The following PTPRF variants were observed in gnomAD, a reference collection of about 807,000 sequenced individuals.
The protein encoded by PTPRF is protein tyrosine phosphatase receptor type F.
Under a neutral mutation model 201.8 loss-of-function variants are expected in PTPRF, and 59 were observed. The ratio of observed to expected loss-of-function variants is 0.29; its 90% CI spans 0.24 to 0.36. PTPRF has a LOEUF of 0.36. PTPRF is among the 10% of genes least tolerant of loss of function. PTPRF has a pLI of 1.00. For synonymous variants in PTPRF, 1,088 were observed against 1,089.7 expected (o/e 1.00, Z 0.03); for missense variants, 2,132 against 2,690.5 (o/e 0.79, Z 4.59).
At chr1:43,543,877 A>G (rs1466723147) in intron 2 of PTPRF, among the ~76,000 whole-genome samples, 1 of 152,226 alleles carries the variant, frequency 6.6e-6, no homozygotes, top group Non-Finnish European at 1.5e-5. Flanking sequence ...GGGATCGACC[A>G]CGTCTCACCC....
intron 2 of PTPRF, among the ~76,000 whole-genome samples, chr1:43,540,424 A>C (rs1439553016): frequency 1.3e-5 from 2 of 152,132 alleles, no homozygotes; most frequent in Non-Finnish European, 2.9e-5. Context: ...ATTTTTTTCC[A>C]ATAGACAGAA....
At chr1:43,619,253 G>C (rs1658609484) in intron 27 of PTPRF, 35 bp from the exon 28 acceptor site, 1 of 1,609,384 alleles carries the variant, frequency 6.2e-7, no homozygotes, top group Admixed American at 1.7e-5. Context: ...GGAGGTGGGG[G>C]CGCCTGTGCC....
At chr1:43,599,706 G>C (rs1405597945) in intron 13 of PTPRF, among the ~76,000 whole-genome samples, 1 of 151,570 alleles carries the variant, frequency 6.6e-6, no homozygotes, top group African/African-American at 2.4e-5. Context: ...AACACTGGTT[G>C]CTATTCAGAT....
At chr1:43,587,795 G>A (rs1234118465) in intron 7 of PTPRF, among the ~76,000 whole-genome samples, 1 of 152,168 alleles carries the variant, frequency 6.6e-6, no homozygotes, top group Non-Finnish European at 1.5e-5. Context: ...CCTGCCCACG[G>A]CTGGGTTTCA....
intron 7 of PTPRF, among the ~76,000 whole-genome samples, chr1:43,583,871 G>A (rs1648410282): frequency 6.6e-6 from 1 of 152,178 alleles, no homozygotes; most frequent in African/African-American, 2.4e-5. Context: ...GTTTGAGGGT[G>A]GAATTTAGCC....
intron 3 of PTPRF, among the ~76,000 whole-genome samples, chr1:43,552,374 AT>A (rs1373216182): frequency 1.3e-5 from 2 of 152,232 alleles, no homozygotes; most frequent in South Asian, 4.1e-4. Flanking sequence ...CCTCACTGGC[AT>A]GTGATCTTGG....
intron 19 of PTPRF, among the ~76,000 whole-genome samples, chr1:43,605,881 C>G (rs528511656): frequency 6.6e-6 from 1 of 152,324 alleles, no homozygotes; most frequent in Non-Finnish European, 1.5e-5. Flanking sequence ...TAGAGAATGC[C>G]AAGCCCTGTA....
At chr1:43,570,210 CAG>C (rs1472996959) in intron 6 of PTPRF, among the ~76,000 whole-genome samples, 10 of 152,210 alleles carry the variant, frequency 6.6e-5, no homozygotes, top group Admixed American at 6.5e-5. Context: ...GGCTGGATCT[CAG>C]GGGCCTGGAA....
chr1:43,525,633 C>G (rs574676728), upstream of PTPRF, among the ~76,000 whole-genome samples: 1 of 151,592 alleles, frequency 6.6e-6, no homozygotes, highest in Non-Finnish European at 1.5e-5. Context: ...GGTGAAACCC[C>G]GTCTCTACTA....
intron 5 of PTPRF, among the ~76,000 whole-genome samples, chr1:43,562,566 C>A (rs1645881770): frequency 6.6e-6 from 1 of 151,780 alleles, no homozygotes; most frequent in African/African-American, 2.4e-5. Context: ...ACCACCACGC[C>A]CGGCTAATTT....
At chr1:43,560,657 T>C (rs1645744546) in intron 5 of PTPRF, among the ~76,000 whole-genome samples, 1 of 152,160 alleles carries the variant, frequency 6.6e-6, no homozygotes, top group Non-Finnish European at 1.5e-5. Flanking sequence ...GAGCTGTTGG[T>C]CCGCCAGGAA....
intron 7 of PTPRF, among the ~76,000 whole-genome samples, chr1:43,586,017 T>C (rs1178962602): frequency 6.6e-6 from 1 of 152,200 alleles, no homozygotes; most frequent in African/African-American, 2.4e-5. Flanking sequence ...TTCTGGGTCT[T>C]TTTTCAGGCC....
intron 21 of PTPRF, among the ~76,000 whole-genome samples, chr1:43,608,284 C>T (rs1160613761): frequency 3.3e-5 from 5 of 152,196 alleles, no homozygotes; most frequent in Admixed American, 3.3e-4. Flanking sequence ...AAACTGTGAC[C>T]GTTCCTTTCT....
chr1:43,535,944 T>C (rs1643974462), intron 1 of PTPRF, among the ~76,000 whole-genome samples: 1 of 152,122 alleles, frequency 6.6e-6, no homozygotes, highest in Admixed American at 6.5e-5. Flanking sequence ...CTAATTTTTG[T>C]ATTTTTTTAG....
Position 43,621,003 on chromosome 1 carries a change from C to T in PTPRF, c.5519+11C>T, listed in dbSNP as rs776916161. 3.7e-6 allele frequency: 6 copies of T among 1,611,196 alleles called. No individual in the cohort carries two copies. The East Asian group carries it at 1.3e-4, about 36-fold the overall frequency. The stretch of plus-strand genomic sequence containing the variant: ...CACGGTGCACTGCAGGTGGGACTGG[C>T]CCCCTGGAGGGCTGGGGTGGGTGGG... On this transcript the variant is annotated intron_variant, in intron 32 of 33. Transcript: ENST00000359947.
At chr1:43,548,921 C>G (rs1387034764) in intron 3 of PTPRF, among the ~76,000 whole-genome samples, 1 of 152,220 alleles carries the variant, frequency 6.6e-6, no homozygotes, top group Non-Finnish European at 1.5e-5. Flanking sequence ...CAGTTTGACT[C>G]TCCCTGGGGC....
At position 43,597,842 on chromosome 1, in the gene PTPRF, C is replaced by T. The variant is rs947606064; in HGVS notation, c.1908C>T (p.Asn636=). ...TCCCGCCGCCTGCCGACAGCCGCAA[C>T]GGCGTTATCACCCAGTACTCCGTGG... is the stretch of plus-strand genomic sequence containing the variant. The part of the protein sequence containing the change: ...SWVPPPADSR[N]GVITQYSVAY... Residue 636 remains asparagine, a synonymous_variant, in exon 12 of 34, where the codon AAC becomes AAT. Transcript: ENST00000359947. 32 of 1,608,284 alleles carry T rather than the reference C, an allele frequency of 2.0e-5. No homozygotes were observed. Among genetic ancestry groups the T allele is most frequent in the Admixed American group, 5.1e-5 (3 of 59,354 alleles).
chr1:43,573,977 CTTTTTTTTTTTTTTTTTTTTTT>C (rs77543816), intron 6 of PTPRF, among the ~76,000 whole-genome samples: 21 of 63,918 alleles, frequency 3.3e-4, no homozygotes, highest in South Asian at 1.8e-3. Flanking sequence ...TGTGTGGGTT[CTTTTTTTTTTTTTTTTTTTTTT>C]TTTTTTTTTT....
intron 3 of PTPRF, among the ~76,000 whole-genome samples, chr1:43,552,455 C>T (rs1645097497): frequency 6.6e-6 from 1 of 152,174 alleles, no homozygotes; most frequent in African/African-American, 2.4e-5. Context: ...GATAAAGAAC[C>T]TGGTGCAGAG....
Sources: allele counts gnomAD v4.1 joint callset (sites outside exome capture counted in the v4.1 genomes callset), GRCh38; gene constraint gnomAD v4.1.1; transcripts MANE v1.5; gene names NCBI Gene and HGNC (gene_info 2026-07-23, HGNC 2026-07-21).